Variants in CDH10 observed in about 807,000 individuals in gnomAD.
CDH10 encodes cadherin 10, also known as cadherin-10.
In CDH10, 30 loss-of-function variants were observed where a neutral mutation model predicts 73.1. The ratio of observed to expected loss-of-function variants is 0.41; its 90% CI spans 0.31 to 0.56. The LOEUF (loss-of-function observed/expected upper bound fraction) is 0.56. Ranked by LOEUF, CDH10 falls within the 20% of genes least tolerant of loss-of-function variation. The pLI is 0.27. For synonymous variants in CDH10, 345 were observed against 348.2 expected (o/e 0.99, Z 0.10); for missense variants, 815 against 973.7 (o/e 0.84, Z 2.17).
At chr5:24,523,209 C>T (rs984061376) in intron 5 of CDH10, among the ~76,000 whole-genome samples, 1 of 151,904 alleles carries the variant, frequency 6.6e-6, no homozygotes, top group Non-Finnish European at 1.5e-5. Flanking sequence ...ATAAACATAT[C>T]TCAACAAATA....
chr5:24,537,402 A>C lies in CDH10; in HGVS notation c.504T>G (p.Ser168Arg). ...PTFPEEIYTA[S>R]VPEMSVVGTS... ...TACCTACAACAGACATTTCGGGAAC[A>C]CTAGCTGTATAGATTTCTTCTGGGA... The change falls in exon 3 of 12, where the codon AGT becomes AGG. Residue 168 changes from serine to arginine, a missense_variant. Coordinates refer to ENST00000264463, the MANE Select transcript of CDH10 (RefSeq NM_006727.5). 6.2e-7 allele frequency: 1 copy of C among 1,612,038 alleles called. No homozygotes were observed. The highest frequency in any genetic ancestry group is 8.5e-7 in the Non-Finnish European group (1 of 1,178,698).
chr5:24,570,929 A>AC (rs1349927454), intron 2 of CDH10, among the ~76,000 whole-genome samples: 2 of 152,056 alleles, frequency 1.3e-5, no homozygotes, highest in African/African-American at 4.8e-5. Context: ...ATGTACTACA[A>AC]CCTCTGGTTT....
At chr5:24,643,212 A>T (rs148392773) in intron 1 of CDH10, among the ~76,000 whole-genome samples, 25 of 152,262 alleles carry the variant, frequency 1.6e-4, no homozygotes, top group African/African-American at 5.5e-4. Flanking sequence ...TATGCGACTT[A>T]GCATTTACCT....
intron 2 of CDH10, among the ~76,000 whole-genome samples, chr5:24,542,233 G>A (rs7710711): frequency 0.023 from 3,439 of 152,166 alleles, 108 homozygotes; most frequent in African/African-American, 0.072. Context: ...TGTTTATCCA[G>A]TGGAAATGAA....
At chr5:24,593,648 G>T in intron 1 of CDH10, 35 bp from the exon 2 acceptor site, 1 of 565,240 alleles carries the variant, frequency 1.8e-6, no homozygotes, top group South Asian at 2.4e-5. Flanking sequence ...AAAGTTAGTT[G>T]ACAACATTAT....
rs535663697 is a variant in CDH10, at chr5:24,509,472, C to T, written c.1256+94G>A. The T allele has an allele frequency of 2.4e-5, 26 of 1,100,290 alleles. No homozygotes were observed. The African/African-American group carries it at 3.8e-4, about 16-fold the overall frequency. 68.2% of individuals were successfully genotyped at this position (1,100,290 alleles called of 1,614,324 possible). A position where few individuals can be genotyped will look rare whatever the true frequency, so the allele number is the denominator to read the frequency against. On this transcript the variant is annotated intron_variant, in intron 7 of 11. Transcript: ENST00000264463. Reference sequence around the variant, plus strand: ...GCCAGGCTGGTCTCGAACTCCTGACCTCGTGATCCACCCGCCTCGGCCTCC... The same window carrying T: ...GCCAGGCTGGTCTCGAACTCCTGACTTCGTGATCCACCCGCCTCGGCCTCC...
At chr5:24,642,250 A>T (rs1252004983) in intron 1 of CDH10, among the ~76,000 whole-genome samples, 1 of 152,162 alleles carries the variant, frequency 6.6e-6, no homozygotes, top group Non-Finnish European at 1.5e-5. Context: ...AAAATGACAT[A>T]TTCCAGTAAG....
intron 2 of CDH10, among the ~76,000 whole-genome samples, chr5:24,576,348 T>C (rs1368750057): frequency 6.6e-6 from 1 of 152,180 alleles, no homozygotes; most frequent in Non-Finnish European, 1.5e-5. Context: ...GATTGTTTTT[T>C]CAACTTAGAG....
chr5:24,491,155 C>T (rs2111632177), intron 11 of CDH10, among the ~76,000 whole-genome samples: 2 of 152,242 alleles, frequency 1.3e-5, no homozygotes, highest in Middle Eastern at 6.8e-3. Flanking sequence ...GTTCACTGGA[C>T]CTAGGTTCCG....
At chr5:24,590,928 A>G (rs1746179987) in intron 2 of CDH10, among the ~76,000 whole-genome samples, 1 of 152,038 alleles carries the variant, frequency 6.6e-6, no homozygotes, top group Admixed American at 6.6e-5. Flanking sequence ...TCACCATATC[A>G]CATGTCTACT....
intron 2 of CDH10, among the ~76,000 whole-genome samples, chr5:24,592,047 C>T (rs189867155): frequency 9.2e-5 from 14 of 151,910 alleles, no homozygotes; most frequent in Non-Finnish European, 4.4e-5. Context: ...AAGCCTGCTA[C>T]TTTGTGCTTT....
At chr5:24,547,958 G>A (rs776383845) in intron 2 of CDH10, among the ~76,000 whole-genome samples, 8 of 152,160 alleles carry the variant, frequency 5.3e-5, no homozygotes, top group Non-Finnish European at 1.0e-4. Flanking sequence ...TTGAAGAAGC[G>A]TAAAGCAAAC....
intron 2 of CDH10, among the ~76,000 whole-genome samples, chr5:24,592,290 T>C (rs1231274000): frequency 6.6e-6 from 1 of 151,798 alleles, no homozygotes; most frequent in East Asian, 1.9e-4. Flanking sequence ...GAAGATATTA[T>C]AGTTAAGGTT....
At chr5:24,642,544 C>A (rs552847610) in intron 1 of CDH10, among the ~76,000 whole-genome samples, 20 of 152,198 alleles carry the variant, frequency 1.3e-4, no homozygotes, top group African/African-American at 4.3e-4. Context: ...AAATTAAAAT[C>A]AGTTTTGTAT....
intron 1 of CDH10, among the ~76,000 whole-genome samples, chr5:24,629,702 C>T (rs552061599): frequency 6.6e-6 from 1 of 152,176 alleles, no homozygotes; most frequent in East Asian, 1.9e-4. Flanking sequence ...GGGCTCTTCC[C>T]TCTTTGTTCC....
chr5:24,557,723 A>G (rs532298700), intron 2 of CDH10, among the ~76,000 whole-genome samples: 25 of 151,952 alleles, frequency 1.6e-4, no homozygotes, highest in African/African-American at 5.3e-4. Flanking sequence ...AGAGTAAATA[A>G]CTACTTCGGC....
chr5:24,606,787 C>G (rs116504134), intron 1 of CDH10, among the ~76,000 whole-genome samples: 1 of 152,104 alleles, frequency 6.6e-6, no homozygotes, highest in African/African-American at 2.4e-5. Context: ...GGAAGCAAAA[C>G]TTACTACATA....
chr5:24,549,454 G>C (rs1289888520), intron 2 of CDH10, among the ~76,000 whole-genome samples: 2 of 151,656 alleles, frequency 1.3e-5, no homozygotes, highest in African/African-American at 4.8e-5. Context: ...AACTATGAAA[G>C]TACCTAGGAG....
At chr5:24,541,254 AG>A (rs1744144143) in intron 2 of CDH10, among the ~76,000 whole-genome samples, 1 of 151,926 alleles carries the variant, frequency 6.6e-6, no homozygotes. Context: ...CCCCTTCCTA[AG>A]CTTCCCATCT....
Sources: gnomAD v4.1 joint callset for allele counts (sites outside exome capture counted in the v4.1 genomes callset) on GRCh38, gnomAD v4.1.1 for gene constraint, MANE v1.5 for transcripts, NCBI Gene and HGNC (gene_info 2026-07-23, HGNC 2026-07-21) for gene names.